IQCM: variants seen among roughly 807,000 people sequenced by gnomAD.
IQCM encodes IQ motif containing M, also known as IQ domain-containing protein M.
IQCM carries 45 observed loss-of-function variants against 57.6 expected under a neutral mutation model. That is an observed-to-expected ratio of 0.78 (90% CI 0.62 to 1.00). The LOEUF (loss-of-function observed/expected upper bound fraction) is 1.00. Ranked by LOEUF, IQCM falls within the 50% of genes least tolerant of loss-of-function variation. The pLI is 0.00. For missense variants in IQCM, 468 were observed against 511.6 expected, an observed-to-expected ratio of 0.91 and a Z score of 0.82; for synonymous variants, 148 against 158.9, an observed-to-expected ratio of 0.93 and a Z score of 0.51.
intron 13 of IQCM, among the ~76,000 whole-genome samples, chr4:149,370,522 T>C (rs1053954642): frequency 1.3e-4 from 19 of 151,526 alleles, no homozygotes; most frequent in South Asian, 6.2e-4. Context: ...TATATATATA[T>C]ACACACACAC....
At chr4:149,639,823 G>C (rs1467484866) in intron 7 of IQCM, among the ~76,000 whole-genome samples, 1 of 152,178 alleles carries the variant, frequency 6.6e-6, no homozygotes, top group East Asian at 1.9e-4. Flanking sequence ...CAGCTACTTG[G>C]AAGGCTGAAG....
At chr4:149,631,437 G>A (rs879610069) in intron 7 of IQCM, among the ~76,000 whole-genome samples, 16 of 152,084 alleles carry the variant, frequency 1.1e-4, no homozygotes, top group Non-Finnish European at 2.2e-4. Flanking sequence ...AAATATAAAT[G>A]TAAATATAAT....
intron 2 of IQCM, among the ~76,000 whole-genome samples, chr4:149,765,242 A>T (rs74561446): frequency 1.1e-4 from 16 of 152,168 alleles, no homozygotes; most frequent in Non-Finnish European, 2.2e-4. Context: ...CTTCACCTAG[A>T]TGAGGTGACC....
chr4:149,667,745 T>C (rs538979819), intron 7 of IQCM, among the ~76,000 whole-genome samples: 1 of 151,974 alleles, frequency 6.6e-6, no homozygotes, highest in South Asian at 2.1e-4. Context: ...AATGACCTGA[T>C]GGAGCTGAAA....
chr4:149,576,121 TC>T (rs1366974961), intron 9 of IQCM, among the ~76,000 whole-genome samples: 1 of 151,816 alleles, frequency 6.6e-6, no homozygotes, highest in Non-Finnish European at 1.5e-5. Flanking sequence ...CTGTTTTTAT[TC>T]CAATTTAATC....
chr4:149,668,815 C>A (rs918011656), intron 7 of IQCM, among the ~76,000 whole-genome samples: 2 of 151,928 alleles, frequency 1.3e-5, no homozygotes, highest in East Asian at 1.9e-4. Flanking sequence ...AGAAAATCAG[C>A]AAAACTAAAA....
intron 9 of IQCM, among the ~76,000 whole-genome samples, chr4:149,584,779 T>C (rs959549686): frequency 6.6e-6 from 1 of 151,768 alleles, no homozygotes; most frequent in Non-Finnish European, 1.5e-5. Flanking sequence ...TGAAATTTGC[T>C]TTTTAGCTTT....
chr4:149,358,129 T>C (rs543688360), intron 13 of IQCM, among the ~76,000 whole-genome samples: 7 of 152,198 alleles, frequency 4.6e-5, no homozygotes, highest in African/African-American at 7.2e-5. Flanking sequence ...ATTTGATTCT[T>C]CTCTGTTTTC....
intron 13 of IQCM, among the ~76,000 whole-genome samples, chr4:149,423,911 C>A (rs1260213564): frequency 6.6e-6 from 1 of 151,630 alleles, no homozygotes. Context: ...AAAGAACTGC[C>A]ATACTACATT....
intron 5 of IQCM, among the ~76,000 whole-genome samples, chr4:149,707,350 T>C (rs1342573920): frequency 6.6e-6 from 1 of 152,014 alleles, no homozygotes; most frequent in Non-Finnish European, 1.5e-5. Flanking sequence ...TGTGTATAGT[T>C]GTTATGCATG....
intron 8 of IQCM, among the ~76,000 whole-genome samples, chr4:149,619,527 A>T (rs1756130367): frequency 6.6e-6 from 1 of 152,170 alleles, no homozygotes; most frequent in Non-Finnish European, 1.5e-5. Context: ...AGTAAATTTG[A>T]CTCACAAGGA....
chr4:149,603,718 G>GT (rs1237918877), intron 8 of IQCM, among the ~76,000 whole-genome samples: 2 of 150,460 alleles, frequency 1.3e-5, no homozygotes, highest in Non-Finnish European at 3.0e-5. Flanking sequence ...AAGAGGAATA[G>GT]TTAAAAAAAA....
intron 7 of IQCM, among the ~76,000 whole-genome samples, chr4:149,676,927 T>C (rs190556418): frequency 4.9e-4 from 75 of 151,816 alleles, no homozygotes; most frequent in African/African-American, 1.8e-3. Context: ...TTACCAGAAA[T>C]ATACCAGAAT....
At chr4:149,670,180 G>A (rs551738848) in intron 7 of IQCM, among the ~76,000 whole-genome samples, 22 of 152,080 alleles carry the variant, frequency 1.4e-4, no homozygotes, top group Admixed American at 3.3e-4. Flanking sequence ...TTCTCCTTGA[G>A]GAGGTCCTTC....
chr4:149,738,793 T>C (rs1360795238), intron 3 of IQCM, among the ~76,000 whole-genome samples: 1 of 152,208 alleles, frequency 6.6e-6, no homozygotes, highest in Non-Finnish European at 1.5e-5. Context: ...CTGAGGTAGC[T>C]GTTCTGATTT....
In IQCM at chr4:149,540,858, G is replaced by A. The variant is rs1747784158; in HGVS notation, c.1228+7597C>T. 2.0e-5 allele frequency among the ~76,000 whole-genome samples: 3 copies of A among 151,724 alleles called. No individual in the cohort carries two copies. The South Asian group carries it at 6.2e-4, about 32-fold the overall frequency. On this transcript the variant is annotated intron_variant, in intron 12 of 13. Coordinates refer to ENST00000636793, the MANE Select transcript of IQCM (RefSeq NM_001363507.2). Reference sequence around the variant, plus strand: ...TCTTCATTTCACCTTTTATTTTTAGGGTGTATTTTCAAAATGTGTTACAAT... The same window carrying A: ...TCTTCATTTCACCTTTTATTTTTAGAGTGTATTTTCAAAATGTGTTACAAT...
chr4:149,788,553 A>T lies in IQCM; in HGVS notation c.-49+26758T>A, dbSNP rs560163498. ...TTTTATACACTGTTGGTGGGAATGT[A>T]AATGAGTACAGCCACTACGGAAAAC... On this transcript the variant is annotated intron_variant, in intron 2 of 13. Transcript: ENST00000636793. Among the ~76,000 whole-genome samples the T allele has an allele frequency of 5.9e-5, 9 of 152,334 alleles. No individual in the cohort carries two copies. In the South Asian group the frequency reaches 6.2e-4, roughly 11 times the overall value.
At chr4:149,408,097 T>C (rs573285208) in intron 13 of IQCM, among the ~76,000 whole-genome samples, 17 of 152,268 alleles carry the variant, frequency 1.1e-4, no homozygotes, top group Non-Finnish European at 2.2e-4. Flanking sequence ...ATGTTTATCT[T>C]TTTTATATGT....
intron 13 of IQCM, among the ~76,000 whole-genome samples, chr4:149,358,789 G>C (rs1328060803): frequency 1.1e-5 from 1 of 86,994 alleles, no homozygotes; most frequent in Non-Finnish European, 2.7e-5. Context: ...TGGGGACAGA[G>C]AATAAAGCAT....
Sources: allele counts gnomAD v4.1 joint callset (sites outside exome capture counted in the v4.1 genomes callset), GRCh38; gene constraint gnomAD v4.1.1; transcripts MANE v1.5; gene names NCBI Gene and HGNC (gene_info 2026-07-23, HGNC 2026-07-21).